MTHFD1L: variants seen among roughly 807,000 people sequenced by gnomAD.
The protein encoded by MTHFD1L is methylenetetrahydrofolate dehydrogenase (NADP+ dependent) 1 like.
In MTHFD1L, 81 loss-of-function variants were observed where a neutral mutation model predicts 119.5. The ratio of observed to expected loss-of-function variants is 0.68; its 90% CI spans 0.57 to 0.82. The LOEUF is 0.82. MTHFD1L is among the 40% of genes least tolerant of loss of function. The pLI, the probability that MTHFD1L is intolerant of heterozygous loss-of-function variation, is 0.00. For synonymous variants in MTHFD1L, 430 were observed against 475.2 expected, an observed-to-expected ratio of 0.90 and a Z score of 1.24; for missense variants, 1,125 against 1,253.4, an observed-to-expected ratio of 0.90 and a Z score of 1.55.
At chr6:151,047,833 C>G (rs1158605173) in intron 26 of MTHFD1L, among the ~76,000 whole-genome samples, 1 of 152,120 alleles carries the variant, frequency 6.6e-6, no homozygotes, top group Non-Finnish European at 1.5e-5. Flanking sequence ...TAAAGAACTA[C>G]CTGAGACTGG....
intron 20 of MTHFD1L, among the ~76,000 whole-genome samples, chr6:150,989,855 A>G (rs1245409722): frequency 1.3e-5 from 2 of 152,228 alleles, no homozygotes; most frequent in Non-Finnish European, 2.9e-5. Context: ...AAATTACTAT[A>G]CTATATCATG....
chr6:150,974,047 G>A (rs1337125192), intron 20 of MTHFD1L, among the ~76,000 whole-genome samples: 2 of 152,210 alleles, frequency 1.3e-5, no homozygotes, highest in African/African-American at 2.4e-5. Flanking sequence ...AAGTGGGGGG[G>A]TTTTTCATGA....
At chr6:150,944,615 C>T in intron 14 of MTHFD1L, 22 bp downstream of exon 14, 1 of 1,560,864 alleles carries the variant, frequency 6.4e-7, no homozygotes, top group Non-Finnish European at 8.8e-7. Context: ...GCCTTGCTAG[C>T]CATTTTGGGT....
chr6:150,897,447 C>T (rs548723577), intron 7 of MTHFD1L, among the ~76,000 whole-genome samples: 7 of 152,276 alleles, frequency 4.6e-5, no homozygotes, highest in African/African-American at 7.2e-5. Context: ...CATGGGATTG[C>T]GAAGCCAGTT....
chr6:150,959,142 G>A, intron 17 of MTHFD1L: 1 of 956,162 alleles, frequency 1.0e-6, no homozygotes, highest in Non-Finnish European at 1.2e-6. Context: ...GAATATAGTT[G>A]TATTTGACTT....
Position 151,039,668 on chromosome 6 carries a change from G to A in MTHFD1L, c.2847+2551G>A, listed in dbSNP as rs1375504369. On this transcript the variant is annotated intron_variant, in intron 26 of 27. Transcript: ENST00000367321. The surrounding 1 kb of genome is among the most constrained non-coding windows in gnomAD (Gnocchi z 4.4). ...GCGGTGGCTCACGCCTGTAATCCCA[G>A]CACTTTGGGAGGCCGAGGCGGGCGG... is the stretch of plus-strand genomic sequence containing the variant. 3.9e-5 allele frequency among the ~76,000 whole-genome samples: 6 copies of A among 152,162 alleles called. No individual in the cohort carries two copies. The highest frequency in any genetic ancestry group is 2.4e-5 in the African/African-American group (1 of 41,444).
In MTHFD1L at chr6:150,938,735, C is replaced by T. The variant is rs773963293; in HGVS notation, c.1430C>T (p.Pro477Leu). ...AAGGGYAQVI[P>L]MEEFNLHLTG... ...GGTGGTGGATATGCCCAGGTCATCC[C>T]CATGGAGGAGGTAAGACCTTGAAGA... Residue 477 changes from proline (P) to leucine (L), a missense_variant, in exon 13 of 28, where the codon CCC becomes CTC. Coordinates refer to ENST00000367321, the MANE Select transcript of MTHFD1L (RefSeq NM_015440.5). 3.1e-6 allele frequency: 5 copies of T among 1,609,386 alleles called. No individual in the cohort carries two copies. In the African/African-American group the frequency reaches 5.3e-5, roughly 17 times the overall value.
intron 8 of MTHFD1L, 112 bp from the exon 9 acceptor site, chr6:150,918,465 T>C: frequency 1.2e-6 from 1 of 802,502 alleles, no homozygotes. Flanking sequence ...ACATCCTAAC[T>C]TCCTTGGTGA....
At chr6:151,083,832 T>G (rs1444538837) in intron 26 of MTHFD1L, among the ~76,000 whole-genome samples, 2 of 152,178 alleles carry the variant, frequency 1.3e-5, no homozygotes, top group African/African-American at 2.4e-5. Context: ...CCTGTTATTT[T>G]TAAGAAAAAA....
chr6:151,018,691 T>C (rs1185229246), intron 24 of MTHFD1L, among the ~76,000 whole-genome samples: 3 of 151,838 alleles, frequency 2.0e-5, no homozygotes, highest in Non-Finnish European at 4.4e-5. Context: ...GGGGGAGACA[T>C]AGTTAAAGGG....
chr6:151,088,600 G>T (rs1244519270), intron 26 of MTHFD1L, among the ~76,000 whole-genome samples: 2 of 150,720 alleles, frequency 1.3e-5, no homozygotes, highest in East Asian at 2.0e-4. Context: ...AAAACGACGG[G>T]TGCTCATTAC....
chr6:151,026,058 A>G (rs1784572407), intron 24 of MTHFD1L, among the ~76,000 whole-genome samples: 1 of 152,226 alleles, frequency 6.6e-6, no homozygotes, highest in Non-Finnish European at 1.5e-5. Flanking sequence ...TTAAAATGTA[A>G]CAGCTCTTCT....
chr6:150,901,563 G>A (rs888934894), intron 7 of MTHFD1L, among the ~76,000 whole-genome samples: 1 of 152,164 alleles, frequency 6.6e-6, no homozygotes, highest in Non-Finnish European at 1.5e-5. Context: ...TTAACTGGGC[G>A]CACATAAACT....
At chr6:151,064,781 CTTTT>C (rs1487713760) in intron 26 of MTHFD1L, among the ~76,000 whole-genome samples, 1 of 125,886 alleles carries the variant, frequency 7.9e-6, no homozygotes, top group Non-Finnish European at 1.8e-5. Context: ...TGTTACTATT[CTTTT>C]TTTGTTTTTT....
At chr6:150,968,846 CTTTTTTTTTT>C (rs145806257) in intron 19 of MTHFD1L, among the ~76,000 whole-genome samples, 2 of 108,538 alleles carry the variant, frequency 1.8e-5, no homozygotes, top group Admixed American at 2.1e-4. Context: ...TTAAATAATT[CTTTTTTTTTT>C]TTTTTTTTTG....
intron 20 of MTHFD1L, among the ~76,000 whole-genome samples, chr6:151,009,206 G>T (rs1781865474): frequency 6.6e-6 from 1 of 150,912 alleles, no homozygotes; most frequent in South Asian, 2.1e-4. Flanking sequence ...TTTGGAACCT[G>T]ATTACAAAGT....
At chr6:151,006,316 G>A (rs1781383219) in intron 20 of MTHFD1L, among the ~76,000 whole-genome samples, 1 of 152,162 alleles carries the variant, frequency 6.6e-6, no homozygotes, top group Non-Finnish European at 1.5e-5. Flanking sequence ...AGGGGAGAGA[G>A]GAATGTTCCA....
chr6:150,939,965 G>A (rs1289541215), intron 13 of MTHFD1L, among the ~76,000 whole-genome samples: 1 of 151,972 alleles, frequency 6.6e-6, no homozygotes, highest in East Asian at 1.9e-4. Context: ...GATTACAGGC[G>A]TGAGCCACTG....
intron 1 of MTHFD1L, among the ~76,000 whole-genome samples, chr6:150,872,004 A>G (rs893829423): frequency 2.6e-5 from 4 of 151,196 alleles, no homozygotes; most frequent in African/African-American, 9.7e-5. Flanking sequence ...CAGCCTCCCG[A>G]GTAGCTGGGA....
Sources: allele counts gnomAD v4.1 joint callset (sites outside exome capture counted in the v4.1 genomes callset), GRCh38; gene constraint gnomAD v4.1.1; non-coding constraint Gnocchi (gnomAD v3.1); transcripts MANE v1.5; gene names NCBI Gene and HGNC (gene_info 2026-07-23, HGNC 2026-07-21).